Variants in BCL2 observed in about 807,000 individuals in gnomAD.
BCL2 encodes apoptosis regulator Bcl-2.
BCL2 carries 1 observed loss-of-function variant against 14.2 expected under a neutral mutation model. The ratio of observed to expected loss-of-function variants is 0.07; its 90% CI spans 0.02 to 0.33. The LOEUF (loss-of-function observed/expected upper bound fraction) is 0.33. Among genes scored for constraint, BCL2 ranks in the 10% least tolerant of loss-of-function variants. BCL2 has a pLI of 0.99. For missense variants in BCL2, 247 were observed against 305.9 expected, an observed-to-expected ratio of 0.81 and a Z score of 1.44; for synonymous variants, 151 against 137.2, an observed-to-expected ratio of 1.10 and a Z score of -0.70.
chr18:63,150,773 C>G (rs1256144283), intron 2 of BCL2, among the ~76,000 whole-genome samples: 2 of 152,096 alleles, frequency 1.3e-5, no homozygotes, highest in African/African-American at 4.8e-5. Flanking sequence ...TTCTGGAGAC[C>G]TTGTGGCAGA....
At chr18:63,192,670 C>T (rs752915854) in intron 2 of BCL2, among the ~76,000 whole-genome samples, 41 of 152,142 alleles carry the variant, frequency 2.7e-4, no homozygotes, top group Non-Finnish European at 4.0e-4. Context: ...GGGGATACCA[C>T]GGCCACAGCA....
At chr18:63,134,974 TG>T in intron 2 of BCL2, among the ~76,000 whole-genome samples, 1 of 152,362 alleles carries the variant, frequency 6.6e-6, no homozygotes, top group African/African-American at 2.4e-5. Flanking sequence ...GGAGAATCAC[TG>T]TAACAGAAAA....
intron 2 of BCL2, among the ~76,000 whole-genome samples, chr18:63,279,221 T>C (rs1944421): frequency 0.038 from 5,821 of 152,234 alleles, 184 homozygotes; most frequent in East Asian, 0.12. Flanking sequence ...AGAAATTCTT[T>C]TCATCAAAAG....
intron 2 of BCL2, among the ~76,000 whole-genome samples, chr18:63,144,249 C>T (rs966988826): frequency 6.6e-6 from 1 of 152,164 alleles, no homozygotes; most frequent in Non-Finnish European, 1.5e-5. Context: ...AGGCAAACCA[C>T]TTTAAAAAGT....
chr18:63,184,412 C>T (rs950038342), intron 2 of BCL2, among the ~76,000 whole-genome samples: 1 of 152,186 alleles, frequency 6.6e-6, no homozygotes, highest in African/African-American at 2.4e-5. Context: ...TGTTTGAACA[C>T]CTATATAGTT....
intron 2 of BCL2, among the ~76,000 whole-genome samples, chr18:63,190,160 T>A (rs1909249115): frequency 6.6e-6 from 1 of 151,968 alleles, no homozygotes; most frequent in African/African-American, 2.4e-5. Context: ...GATAAAAAAA[T>A]GTGAAAAAGG....
chr18:63,160,737 T>C (rs1043135419), intron 2 of BCL2, among the ~76,000 whole-genome samples: 1 of 152,014 alleles, frequency 6.6e-6, no homozygotes, highest in Non-Finnish European at 1.5e-5. Flanking sequence ...TTGGGCACTC[T>C]GTTGTTCTAG....
intron 2 of BCL2, among the ~76,000 whole-genome samples, chr18:63,219,915 T>C (rs1910338588): frequency 6.6e-6 from 1 of 152,230 alleles, no homozygotes; most frequent in Admixed American, 6.5e-5. Flanking sequence ...AAAATCCGTA[T>C]GTTTCAAAAT....
At chr18:63,188,944 T>C (rs1915654611) in intron 2 of BCL2, among the ~76,000 whole-genome samples, 1 of 151,334 alleles carries the variant, frequency 6.6e-6, no homozygotes, top group Non-Finnish European at 1.5e-5. Context: ...TTTTATTTCA[T>C]ATCAGTTTAC....
chr18:63,249,709 CAAAAAAAAAAA>C (rs11285614), intron 2 of BCL2, among the ~76,000 whole-genome samples: 2 of 52,904 alleles, frequency 3.8e-5, no homozygotes, highest in Admixed American at 2.6e-4. Context: ...GACTCCGCCT[CAAAAAAAAAAA>C]AAAAAAAAAA....
chr18:63,286,018 T>C (rs1185672989), intron 2 of BCL2, among the ~76,000 whole-genome samples: 3 of 152,220 alleles, frequency 2.0e-5, no homozygotes, highest in Admixed American at 1.3e-4. Flanking sequence ...CTCCTGGGTA[T>C]ATCTGAACTA....
intron 2 of BCL2, among the ~76,000 whole-genome samples, chr18:63,188,334 T>C (rs1347624353): frequency 6.6e-6 from 1 of 152,216 alleles, no homozygotes; most frequent in Non-Finnish European, 1.5e-5. Flanking sequence ...TTCCTTAAGA[T>C]GGCAGGGCCT....
intron 2 of BCL2, among the ~76,000 whole-genome samples, chr18:63,230,640 C>A (rs1019312599): frequency 2.0e-5 from 3 of 151,844 alleles, no homozygotes; most frequent in Admixed American, 2.0e-4. Context: ...TAAAATGGGT[C>A]ATAACTAAAT....
chr18:63,282,017 A>G (rs1300729627), intron 2 of BCL2, among the ~76,000 whole-genome samples: 1 of 152,262 alleles, frequency 6.6e-6, no homozygotes, highest in Non-Finnish European at 1.5e-5. Context: ...GGTCAAGACC[A>G]AACTAATATT....
At position 63,123,467 on chromosome 18, in the gene BCL2, C is replaced by T. The variant is rs1282296095; in HGVS notation, c.*5158G>A. 2 of 203,066 alleles carry T rather than the reference C, an allele frequency of 9.8e-6. No individual in the cohort carries two copies. Among genetic ancestry groups the T allele is most frequent in the South Asian group, 1.9e-4 (1 of 5,258 alleles). 12.6% of individuals were successfully genotyped at this position (203,066 alleles called of 1,614,324 possible). A position where few individuals can be genotyped will look rare whatever the true frequency, so the allele number is the denominator to read the frequency against. The stretch of plus-strand genomic sequence containing the variant: ...AAGTGCCATTATAGCTAATGGTGGC[C>T]AACTGGAGACTTACTTTACCTTAAC... On this transcript the variant is annotated 3_prime_UTR_variant, in exon 3 of 3. Transcript: ENST00000333681.
intron 2 of BCL2, among the ~76,000 whole-genome samples, chr18:63,158,065 A>G (rs997685225): frequency 2.6e-5 from 4 of 152,074 alleles, no homozygotes; most frequent in African/African-American, 9.7e-5. Context: ...AAGTCCATCT[A>G]TACTCACCTG....
intron 2 of BCL2, among the ~76,000 whole-genome samples, chr18:63,277,354 C>T (rs142929148): frequency 1.1e-3 from 172 of 152,130 alleles, no homozygotes; most frequent in African/African-American, 3.4e-3. Context: ...ACTTCTTGGC[C>T]GGGTGTGGCG....
chr18:63,182,264 C>T (rs1293322492), intron 2 of BCL2, among the ~76,000 whole-genome samples: 5 of 152,182 alleles, frequency 3.3e-5, no homozygotes, highest in Non-Finnish European at 7.3e-5. Flanking sequence ...TGTTCCCTAT[C>T]CAGAGCTGTC....
intron 2 of BCL2, among the ~76,000 whole-genome samples, chr18:63,180,572 A>G (rs1915459600): frequency 9.1e-6 from 1 of 109,974 alleles, no homozygotes; most frequent in African/African-American, 3.5e-5. Flanking sequence ...CCACTTTCCC[A>G]GGCTGACCAC....
Sources: allele counts gnomAD v4.1 joint callset (sites outside exome capture counted in the v4.1 genomes callset), GRCh38; gene constraint gnomAD v4.1.1; transcripts MANE v1.5; gene names NCBI Gene and HGNC (gene_info 2026-07-23, HGNC 2026-07-21).